Variants in LOC400499 observed in about 807,000 individuals in gnomAD.
the LOC400499 span, among the ~76,000 whole-genome samples, chr16:11,427,507 C>T: frequency 2.0e-5 from 3 of 151,998 alleles, no homozygotes; most frequent in South Asian, 4.2e-4. Context: ...TGCAGTGCCA[C>T]AATCATGGCT....
the LOC400499 span, among the ~76,000 whole-genome samples, chr16:11,514,812 C>G: frequency 3.3e-5 from 5 of 152,148 alleles, no homozygotes; most frequent in African/African-American, 1.2e-4. Flanking sequence ...CAGTGACCCC[C>G]CAGGAGAGGA....
the LOC400499 span, among the ~76,000 whole-genome samples, chr16:11,374,703 G>A: frequency 6.6e-6 from 1 of 152,178 alleles, no homozygotes; most frequent in African/African-American, 2.4e-5. Flanking sequence ...TGTATGGAGA[G>A]ACCACATTTA....
chr16:11,514,209 C>G, the LOC400499 span: 2 of 378,218 alleles, frequency 5.3e-6, no homozygotes, highest in African/African-American at 2.1e-5. Context: ...CTAGAAGTGG[C>G]TAACTCTCCT....
the LOC400499 span, chr16:11,448,896 G>A: frequency 1.4e-6 from 2 of 1,439,970 alleles, no homozygotes; most frequent in East Asian, 2.5e-5. Context: ...TCTCTTGGCT[G>A]CACGGGCCTC....
the LOC400499 span, among the ~76,000 whole-genome samples, chr16:11,443,676 A>G: frequency 6.6e-6 from 1 of 152,116 alleles, no homozygotes; most frequent in African/African-American, 2.4e-5. Context: ...GCCACTGCAT[A>G]GAGATGAGTA....
the LOC400499 span, among the ~76,000 whole-genome samples, chr16:11,391,394 G>A: frequency 5.9e-5 from 9 of 152,080 alleles, no homozygotes; most frequent in African/African-American, 1.9e-4. Flanking sequence ...GAAAGCAGGC[G>A]GGAGACTGAA....
At chr16:11,396,712 G>T in the LOC400499 span, 7 of 1,230,722 alleles carry the variant, frequency 5.7e-6, no homozygotes, top group Non-Finnish European at 5.1e-6. Context: ...GCAGGCACAG[G>T]GGTGGCAGCT....
At chr16:11,504,852 G>C in the LOC400499 span, among the ~76,000 whole-genome samples, 2 of 152,272 alleles carry the variant, frequency 1.3e-5, no homozygotes, top group African/African-American at 4.8e-5. Flanking sequence ...GAACTCGGGA[G>C]GCAGAGGTTA....
At chr16:11,397,749 G>GGGAGGGAT in the LOC400499 span, among the ~76,000 whole-genome samples, 3 of 119,892 alleles carry the variant, frequency 2.5e-5, no homozygotes, top group Admixed American at 9.0e-5. Flanking sequence ...GATGGAGGGA[G>GGGAGGGAT]GGAGGGATGG....
the LOC400499 span, chr16:11,456,727 C>A: frequency 3.5e-6 from 4 of 1,134,390 alleles, no homozygotes; most frequent in Non-Finnish European, 5.0e-6. Context: ...TGTGCCTGGC[C>A]CAGTTTGAGT....
chr16:11,516,080 G>C, the LOC400499 span: 1 of 399,294 alleles, frequency 2.5e-6, no homozygotes, highest in African/African-American at 2.1e-5. Flanking sequence ...AGACAGGGTT[G>C]GGGACAGGTC....
At chr16:11,470,451 C>T in the LOC400499 span, among the ~76,000 whole-genome samples, 6 of 152,132 alleles carry the variant, frequency 3.9e-5, no homozygotes, top group Non-Finnish European at 5.9e-5. Context: ...CTTCCCTCGG[C>T]CTTTCCTAAT....
the LOC400499 span, chr16:11,435,842 A>C: frequency 1.3e-5 from 5 of 399,036 alleles, no homozygotes; most frequent in African/African-American, 2.1e-5. Context: ...AGACCCGTTG[A>C]GGCTGCGCAC....
chr16:11,431,673 T>C, the LOC400499 span, among the ~76,000 whole-genome samples: 11 of 152,294 alleles, frequency 7.2e-5, no homozygotes, highest in East Asian at 1.9e-3. Context: ...CCCAAAGTGC[T>C]GGGATTACAG....
chr16:11,387,144 G>A, the LOC400499 span: 3 of 1,232,322 alleles, frequency 2.4e-6, no homozygotes, highest in Non-Finnish European at 3.0e-6. Context: ...CGGCGTCTGA[G>A]CCAGTAGTAC....
the LOC400499 span, among the ~76,000 whole-genome samples, chr16:11,378,660 A>G: frequency 6.6e-6 from 1 of 152,150 alleles, no homozygotes; most frequent in East Asian, 1.9e-4. Flanking sequence ...GTCTCAAGAT[A>G]CTTTCTGATT....
At chr16:11,433,180 C>T in the LOC400499 span, among the ~76,000 whole-genome samples, 4 of 152,156 alleles carry the variant, frequency 2.6e-5, no homozygotes, top group African/African-American at 9.7e-5. Flanking sequence ...GAAAATATTT[C>T]CCATCTGGCC....
At chr16:11,424,666 A>C in the LOC400499 span, among the ~76,000 whole-genome samples, 3 of 152,160 alleles carry the variant, frequency 2.0e-5, no homozygotes, top group Non-Finnish European at 2.9e-5. Context: ...TCTCAGAGGG[A>C]AACAGGGGTC....
chr16:11,439,745 G>A, the LOC400499 span, among the ~76,000 whole-genome samples: 1 of 152,096 alleles, frequency 6.6e-6, no homozygotes, highest in Non-Finnish European at 1.5e-5. Context: ...TATGCAGGCT[G>A]TGCTACTGAA....
Sources: allele counts gnomAD v4.1 joint callset (sites outside exome capture counted in the v4.1 genomes callset), GRCh38; gene constraint gnomAD v4.1.1; transcripts MANE v1.5.